C6: variants seen among roughly 807,000 people sequenced by gnomAD.
The protein encoded by C6 is complement component C6.
C6 carries 101 observed loss-of-function variants against 112.9 expected under a neutral mutation model. That is an observed-to-expected ratio of 0.89 (90% CI 0.76 to 1.06). C6 has a LOEUF of 1.06. C6 is among the 50% of genes least tolerant of loss of function. The probability of loss-of-function intolerance (pLI) is 0.00; values close to 1 mark genes in which losing one functional copy is unlikely to be tolerated. For synonymous variants in C6, 431 were observed against 384.1 expected (o/e 1.12, Z -1.43); for missense variants, 1,202 against 1,104.6 (o/e 1.09, Z -1.25).
At chr5:41,248,304 G>C (rs1467703022) in intron 1 of C6, among the ~76,000 whole-genome samples, 1 of 152,088 alleles carries the variant, frequency 6.6e-6, no homozygotes, top group Non-Finnish European at 1.5e-5. Context: ...AATTGCAACA[G>C]AAACAAAAAT....
intron 1 of C6, among the ~76,000 whole-genome samples, chr5:41,205,387 G>A (rs7714193): frequency 9.9e-5 from 15 of 152,262 alleles, no homozygotes; most frequent in African/African-American, 2.2e-4. Flanking sequence ...GACAGTGGGC[G>A]CAGTCCATGG....
rs555098615 is a variant in C6 at position 41,219,418 on chromosome 5, G to T, written c.-20-16168C>A. On this transcript the variant is annotated intron_variant, in intron 1 of 17. Coordinates refer to the C6 transcript ENST00000263413. Reference sequence around the variant, plus strand: ...GAGCTTTGGGAGGGCTGTATTGAGCGCCCTTTGTTCTCTGGGGTGTAAGTA... The same window carrying T: ...GAGCTTTGGGAGGGCTGTATTGAGCTCCCTTTGTTCTCTGGGGTGTAAGTA... 3.3e-5 allele frequency among the ~76,000 whole-genome samples: 5 copies of T among 152,158 alleles called. 1 individual carries two copies. The highest frequency in any genetic ancestry group is 5.9e-5 in the Non-Finnish European group (4 of 67,994).
rs1224404899 is a variant in C6 at position 41,153,871 on chromosome 5, C to T, written c.2229G>A (p.Arg743=). 6.2e-7 allele frequency: 1 copy of T among 1,613,646 alleles called. No individual in the cohort carries two copies. Among genetic ancestry groups the T allele is most frequent in the Non-Finnish European group, 8.5e-7 (1 of 1,179,850 alleles). The change falls in exon 15 of 18, where the codon AGG becomes AGA. Residue 743 remains arginine, a synonymous_variant. Coordinates refer to ENST00000337836, the MANE Select transcript of C6 (RefSeq NM_000065.5). The part of the protein sequence containing the change: ...PKGFVVAGPS[R]YTCQGNSWTP... ...TCCAGGAATTCCCCTGGCATGTGTA[C>T]CTTGATGGCCCAGCAACAACAAAGC...
chr5:41,152,662 G>A (rs1746519124), intron 15 of C6: 1 of 151,968 alleles, frequency 6.6e-6, no homozygotes, highest in Non-Finnish European at 1.5e-5. Context: ...GTGAAACTTG[G>A]CCCGGAACTC....
chr5:41,181,554 T>C lies in C6; in HGVS notation c.732A>G (p.Gln244=), dbSNP rs751875431. ...ANLENVGFEV[Q]TAEDDLKTDF... is the part of the protein sequence containing the mutation. ...CTGTTTTCAAGTCATCTTCTGCAGT[T>C]TGTACCTGGAGAAAAATCCATGTAA... The change falls in exon 7 of 18, where the codon CAA becomes CAG. Residue 244 remains glutamine, a synonymous_variant. Transcript: ENST00000337836. 2 of 1,612,370 alleles carry C rather than the reference T, an allele frequency of 1.2e-6. No homozygotes were observed. The highest frequency in any genetic ancestry group is 1.7e-6 in the Non-Finnish European group (2 of 1,178,852).
chr5:41,143,997 G>A lies in C6; in HGVS notation c.2624-991C>T, dbSNP rs538606546. On this transcript the variant is annotated intron_variant, in intron 17 of 17. Coordinates refer to ENST00000337836, the MANE Select transcript of C6 (RefSeq NM_000065.5). ...TCATATATTCTACATGTATGTTTTAGTCAAAGGTCAAAGTCTTCCACTGTT... is the reference window on the plus strand; with the variant it reads ...TCATATATTCTACATGTATGTTTTAATCAAAGGTCAAAGTCTTCCACTGTT... Among the ~76,000 whole-genome samples the A allele has an allele frequency of 2.0e-5, 3 of 152,288 alleles. No individual in the cohort carries two copies. The South Asian group carries it at 6.2e-4, about 32-fold the overall frequency.
At position 41,142,776 on chromosome 5, in the gene C6, CT is replaced by C. The variant is rs753449005; in HGVS notation, c.*48del. On this transcript the variant is annotated 3_prime_UTR_variant, in exon 18 of 18. Coordinates refer to ENST00000337836, the MANE Select transcript of C6 (RefSeq NM_000065.5). ...GAATTCTCATTTGTAGGAGTTGGTT[CT>C]TCGGGATGGTAAATCTGTTCATTGT... The C allele has an allele frequency of 3.4e-6, 5 of 1,452,896 alleles. No homozygotes were observed. Among genetic ancestry groups the C allele is most frequent in the Admixed American group, 1.7e-5 (1 of 59,462 alleles). 90.0% of individuals were successfully genotyped at this position (1,452,896 alleles called of 1,614,324 possible). A position where few individuals can be genotyped will look rare whatever the true frequency, so the allele number is the denominator to read the frequency against.
At chr5:41,253,966 C>A (rs1324915753) in intron 1 of C6, among the ~76,000 whole-genome samples, 2 of 152,116 alleles carry the variant, frequency 1.3e-5, no homozygotes, top group African/African-American at 2.4e-5. Flanking sequence ...GTATAGATCC[C>A]AACCTTAAAA....
At chr5:41,206,906 C>T (rs995396182) in intron 1 of C6, among the ~76,000 whole-genome samples, 4 of 152,066 alleles carry the variant, frequency 2.6e-5, no homozygotes, top group Admixed American at 1.3e-4. Flanking sequence ...AGAAGAGCAA[C>T]TCTAAGACAC....
intron 17 of C6, 50 bp from the exon 18 acceptor site, chr5:41,143,056 T>C: frequency 6.4e-7 from 1 of 1,561,318 alleles, no homozygotes; most frequent in Non-Finnish European, 8.8e-7. Flanking sequence ...TACATTAGGG[T>C]TTGGCTTTAT....
chr5:41,203,555 A>G (rs1322968584), intron 1 of C6: 1 of 358,210 alleles, frequency 2.8e-6, no homozygotes, highest in Non-Finnish European at 5.4e-6. Context: ...TCCAAAAAGT[A>G]TTTTAGATTT....
intron 9 of C6, among the ~76,000 whole-genome samples, chr5:41,171,291 C>G (rs927275882): frequency 6.6e-6 from 1 of 152,082 alleles, no homozygotes; most frequent in Non-Finnish European, 1.5e-5. Flanking sequence ...ATTTAGTTGA[C>G]GGTGATGCCA....
chr5:41,169,705 G>A (rs1748270742), intron 9 of C6, among the ~76,000 whole-genome samples: 1 of 152,034 alleles, frequency 6.6e-6, no homozygotes, highest in African/African-American at 2.4e-5. Context: ...GGGTGAAGGG[G>A]AAAGTGCTGC....
At chr5:41,256,159 G>T (rs1741685585) in intron 1 of C6, among the ~76,000 whole-genome samples, 1 of 152,102 alleles carries the variant, frequency 6.6e-6, no homozygotes, top group African/African-American at 2.4e-5. Context: ...TGGTGTATAT[G>T]TGCCACATTT....
At chr5:41,171,511 C>T (rs971888497) in intron 9 of C6, among the ~76,000 whole-genome samples, 5 of 152,060 alleles carry the variant, frequency 3.3e-5, no homozygotes, top group South Asian at 2.1e-4. Flanking sequence ...ATAGACTTTC[C>T]GGTAGAGATG....
chr5:41,148,335 C>T (rs1746042551), intron 17 of C6, among the ~76,000 whole-genome samples: 1 of 152,082 alleles, frequency 6.6e-6, no homozygotes, highest in Non-Finnish European at 1.5e-5. Flanking sequence ...AGTGAAAAAA[C>T]AGCAATATAT....
upstream of C6, among the ~76,000 whole-genome samples, chr5:41,218,268 T>A (rs1256985912): frequency 6.6e-6 from 1 of 152,164 alleles, no homozygotes; most frequent in Non-Finnish European, 1.5e-5. Flanking sequence ...TCACGTATTC[T>A]CTTATCTTTT....
intron 1 of C6, among the ~76,000 whole-genome samples, chr5:41,243,736 A>G (rs185131086): frequency 1.3e-5 from 2 of 152,318 alleles, no homozygotes; most frequent in African/African-American, 4.8e-5. Flanking sequence ...AAGGCTTTTT[A>G]ACAGCCTTGG....
intron 1 of C6, among the ~76,000 whole-genome samples, chr5:41,204,563 A>C (rs1751275974): frequency 6.6e-6 from 1 of 152,192 alleles, no homozygotes; most frequent in African/African-American, 2.4e-5. Context: ...TCATTTGATA[A>C]ATCTTGGTTT....
Sources: gnomAD v4.1 joint callset for allele counts (sites outside exome capture counted in the v4.1 genomes callset) on GRCh38, gnomAD v4.1.1 for gene constraint, MANE v1.5 for transcripts, NCBI Gene and HGNC (gene_info 2026-07-23, HGNC 2026-07-21) for gene names.